The following CCT8 variants were observed in gnomAD, a reference collection of about 807,000 sequenced individuals.
The protein encoded by CCT8 is chaperonin containing TCP1 subunit 8, also known as T-complex protein 1 subunit theta.
A neutral mutation model predicts 65.7 loss-of-function variants in CCT8; 10 were observed. The ratio of observed to expected loss-of-function variants is 0.15; its 90% CI spans 0.09 to 0.26. The LOEUF (loss-of-function observed/expected upper bound fraction) is 0.26. Among genes scored for constraint, CCT8 ranks in the 10% least tolerant of loss-of-function variants. CCT8 has a pLI of 1.00. For missense variants in CCT8, 568 were observed against 669.1 expected, an observed-to-expected ratio of 0.85 and a Z score of 1.67; for synonymous variants, 199 against 221.8, an observed-to-expected ratio of 0.90 and a Z score of 0.92.
chr21:29,069,566 C>T, intron 2 of CCT8, 64 bp from the exon 3 acceptor site: 3 of 933,598 alleles, frequency 3.2e-6, no homozygotes, highest in Non-Finnish European at 4.9e-6. Flanking sequence ...TCCCCAAATA[C>T]CCAGGAAAAT....
At chr21:29,062,030 G>A in intron 11 of CCT8, 98 bp downstream of exon 11, 2 of 789,496 alleles carry the variant, frequency 2.5e-6, no homozygotes, top group Admixed American at 2.3e-5. Context: ...CACTCATTCT[G>A]AAGTTCTCAT....
chr21:29,063,585 A>G (rs778597247), intron 7 of CCT8, 55 bp from the exon 8 acceptor site: 29 of 1,543,710 alleles, frequency 1.9e-5, no homozygotes, highest in Middle Eastern at 3.4e-4. Context: ...TTGGTGTTCA[A>G]AGTCATTAGA....
At chr21:29,071,867 A>G (rs1356828909) in intron 1 of CCT8, 1 of 687,896 alleles carries the variant, frequency 1.5e-6, no homozygotes, top group African/African-American at 1.8e-5. Flanking sequence ...TTTCCCAACC[A>G]GCTTAGGATA....
At chr21:29,065,952 A>G (rs1455792898) in intron 6 of CCT8, among the ~76,000 whole-genome samples, 1 of 151,888 alleles carries the variant, frequency 6.6e-6, no homozygotes, top group Non-Finnish European at 1.5e-5. Flanking sequence ...ACATGGTGGC[A>G]TGCACCTGTA....
At chr21:29,060,038 T>C (rs1394582131) in intron 14 of CCT8, 1 of 151,226 alleles carries the variant, frequency 6.6e-6, no homozygotes, top group Non-Finnish European at 1.5e-5. Flanking sequence ...AAAATAATTA[T>C]GATTTCAGGT....
rs2085575350 is a variant in CCT8, at chr21:29,062,502, A to G, written c.996T>C (p.Ala332=). ...CCAAAATACATACCAATCTAGGAAG[A>G]GCTGTAGCACCAACAGTTTTACAAA... ...RRLCKTVGAT[A]LPRLTPPVLE... is the part of the protein sequence containing the mutation. The change falls in exon 9 of 15, where the codon GCT becomes GCC. Residue 332 remains alanine (A), a synonymous_variant. Coordinates refer to ENST00000286788, the MANE Select transcript of CCT8 (RefSeq NM_006585.4). The G allele has an allele frequency of 6.2e-7, 1 of 1,613,872 alleles. No individual in the cohort carries two copies. Among genetic ancestry groups the G allele is most frequent in the African/African-American group, 1.3e-5 (1 of 74,932 alleles).
At chr21:29,072,658 T>C (rs776217332) in intron 1 of CCT8, among the ~76,000 whole-genome samples, 32 of 152,232 alleles carry the variant, frequency 2.1e-4, no homozygotes, top group Non-Finnish European at 5.9e-5. Context: ...GTACCTCGCA[T>C]AAAACCTTAA....
At chr21:29,072,508 G>GA (rs1266274894) in intron 1 of CCT8, among the ~76,000 whole-genome samples, 1 of 152,024 alleles carries the variant, frequency 6.6e-6, no homozygotes, top group Non-Finnish European at 1.5e-5. Context: ...TTTTTCAAGG[G>GA]AATCAGCCCA....
chr21:29,056,611 G>T, intron 14 of CCT8, 59 bp from the exon 15 acceptor site: 3 of 1,076,166 alleles, frequency 2.8e-6, no homozygotes, highest in Non-Finnish European at 3.9e-6. Context: ...AGAATGAAAA[G>T]AATGCTTCTA....
Position 29,069,429 on chromosome 21 carries a change from T to C in CCT8, c.225A>G (p.Glu75=), listed in dbSNP as rs2085658262. The C allele has an allele frequency of 6.4e-7, 1 of 1,566,620 alleles. No homozygotes were observed. The highest frequency in any genetic ancestry group is 8.6e-7 in the Non-Finnish European group (1 of 1,156,988). The part of the protein sequence containing the change: ...VTNDAATILR[E]LEVQHPAAKM... ...TTTTAAAGAAACAACTTACTTCTAGTTCTCTTAAAATAGTTGCTGCATCGT... is the reference window on the plus strand; with the variant it reads ...TTTTAAAGAAACAACTTACTTCTAGCTCTCTTAAAATAGTTGCTGCATCGT... Residue 75 remains glutamate, a synonymous_variant, in exon 3 of 15, where the codon GAA becomes GAG. Coordinates refer to ENST00000286788, the MANE Select transcript of CCT8 (RefSeq NM_006585.4).
In CCT8 at chr21:29,071,781, C is replaced by T. The variant is rs141259220; in HGVS notation, c.61-1444G>A. Among the ~76,000 whole-genome samples the T allele has an allele frequency of 7.0e-3, 1,064 of 152,254 alleles. 11 individuals carry two copies. Among genetic ancestry groups the T allele is most frequent in the African/African-American group, 0.024 (1,003 of 41,548 alleles). ...CTCCTGGCTTACACTCTTGCTTCTT[C>T]CCCTCACTCCCCATTCTGTGAGAAA... On this transcript the variant is annotated intron_variant, in intron 1 of 14. Coordinates refer to ENST00000286788, the MANE Select transcript of CCT8 (RefSeq NM_006585.4).
At chr21:29,059,194 T>C (rs564946800) in intron 14 of CCT8, among the ~76,000 whole-genome samples, 2 of 152,346 alleles carry the variant, frequency 1.3e-5, no homozygotes, top group Admixed American at 1.3e-4. Context: ...TACTACACTA[T>C]CCAATGCTTA....
chr21:29,065,950 G>A (rs1165757508), intron 6 of CCT8, among the ~76,000 whole-genome samples: 4 of 151,898 alleles, frequency 2.6e-5, no homozygotes, highest in Non-Finnish European at 5.9e-5. Context: ...GGACATGGTG[G>A]CATGCACCTG....
intron 3 of CCT8, among the ~76,000 whole-genome samples, chr21:29,068,323 C>T (rs1470073598): frequency 2.0e-5 from 3 of 152,118 alleles, no homozygotes; most frequent in Non-Finnish European, 2.9e-5. Context: ...ACGGTATCAC[C>T]ACTGTACTTT....
At chr21:29,063,811 CATGCTGGAGTGCAGGCAGGAT>C (rs2085590545) in intron 7 of CCT8, among the ~76,000 whole-genome samples, 1 of 152,152 alleles carries the variant, frequency 6.6e-6, no homozygotes, top group Non-Finnish European at 1.5e-5. Context: ...ACTCTGTCAC[CATGCTGGAGTGCAGGCAGGAT>C]CTCGGCTCAC....
intron 6 of CCT8, 114 bp downstream of exon 6, chr21:29,066,602 T>C (rs2085625004): frequency 3.3e-6 from 2 of 613,084 alleles, no homozygotes; most frequent in Non-Finnish European, 5.7e-6. Context: ...GTTCAAATCA[T>C]GAAGTAACAT....
chr21:29,064,916 A>ATGTTT, intron 7 of CCT8, 52 bp downstream of exon 7: 1 of 1,549,326 alleles, frequency 6.5e-7, no homozygotes, highest in Non-Finnish European at 8.9e-7. Flanking sequence ...TAACTCAAAC[A>ATGTTT]ATCTGAAAGT....
chr21:29,071,293 C>T (rs1220983132), intron 1 of CCT8, among the ~76,000 whole-genome samples: 3 of 152,178 alleles, frequency 2.0e-5, no homozygotes, highest in Admixed American at 1.3e-4. Context: ...GCTGATACAG[C>T]GTATGTCCAG....
chr21:29,062,634 C>T, intron 8 of CCT8, 78 bp from the exon 9 acceptor site: 1 of 1,077,608 alleles, frequency 9.3e-7, no homozygotes, highest in Non-Finnish European at 1.4e-6. Context: ...AAAGAGGAAC[C>T]TGTATACCAG....
Sources: allele counts gnomAD v4.1 joint callset (sites outside exome capture counted in the v4.1 genomes callset), GRCh38; gene constraint gnomAD v4.1.1; transcripts MANE v1.5; gene names NCBI Gene and HGNC (gene_info 2026-07-23, HGNC 2026-07-21).